The following BAIAP2L2 variants were observed in gnomAD, a reference collection of about 807,000 sequenced individuals.
The protein encoded by BAIAP2L2 is BAR/IMD domain containing adaptor protein 2 like 2.
BAIAP2L2 carries 65 observed loss-of-function variants against 60.4 expected under a neutral mutation model. The observed-to-expected ratio is 1.08, with a 90% CI of 0.88 to 1.32. BAIAP2L2 has a LOEUF of 1.32. Ranked by LOEUF, BAIAP2L2 falls within the 40% of genes most tolerant of loss-of-function variation. The pLI, the probability that BAIAP2L2 is intolerant of heterozygous loss-of-function variation, is 0.00. For missense variants in BAIAP2L2, 836 were observed against 741.2 expected, an observed-to-expected ratio of 1.13 and a Z score of -1.48; for synonymous variants, 344 against 301.7, an observed-to-expected ratio of 1.14 and a Z score of -1.45.
In BAIAP2L2 at chr22:38,097,022, T is replaced by G. The variant is rs770797028; in HGVS notation, c.612+10A>C. 3 of 1,607,296 alleles carry G rather than the reference T, an allele frequency of 1.9e-6. No homozygotes were observed. In the East Asian group the frequency reaches 6.7e-5, roughly 36 times the overall value. ...AAGCGCCCCGCTTGCTGCCCCCCAG[T>G]CCAACTCACCCGGCCGAAGAACTGC... On this transcript the variant is annotated intron_variant, in intron 7 of 13. Coordinates refer to ENST00000381669, the MANE Select transcript of BAIAP2L2 (RefSeq NM_025045.6).
rs1337749619 is a variant in BAIAP2L2 at position 38,088,907 on chromosome 22, G to C, written c.959C>G (p.Pro320Arg). 2.6e-6 allele frequency: 4 copies of C among 1,560,820 alleles called. No homozygotes were observed. In the East Asian group the frequency reaches 7.0e-5, roughly 27 times the overall value. Residue 320 changes from proline to arginine, a missense_variant, in exon 10 of 14, where the codon CCG (proline) becomes CGG (arginine). By Grantham distance (103) the Pro-to-Arg change is moderately radical. Transcript: ENST00000381669. ...TCTCCTGGCGCCCCCGCCGCCGCCC[G>C]GGCGCTCGCCAAAGGAGTTGGAGCG... ...SSRSNSFGER[P>R]GGGGGARRVR...
chr22:38,094,342 C>T (rs532877735), intron 7 of BAIAP2L2, among the ~76,000 whole-genome samples: 5 of 152,210 alleles, frequency 3.3e-5, no homozygotes, highest in South Asian at 4.2e-4. Context: ...TGTACAACCA[C>T]GCTTGGCTAA....
intron 7 of BAIAP2L2, among the ~76,000 whole-genome samples, 157 bp downstream of exon 7, chr22:38,096,874 AG>A (rs1258826777): frequency 6.6e-6 from 1 of 152,210 alleles, no homozygotes; most frequent in Non-Finnish European, 1.5e-5. Context: ...CCAGAAACAA[AG>A]GAAGAAATGG....
rs754145832 is a variant in BAIAP2L2, at chr22:38,110,478, G to A, written c.48C>T (p.Tyr16=). Residue 16 remains tyrosine (Y), a synonymous_variant, in exon 1 of 14, where the codon TAC becomes TAT. Coordinates refer to ENST00000381669, the MANE Select transcript of BAIAP2L2 (RefSeq NM_025045.6). ...DQFYRSTMAI[Y]KSIMEQFNPA... is the part of the protein sequence containing the mutation. Reference sequence around the variant, plus strand: ...GCTTGGCCACCCATGTGCTCACCTTGTAGATGGCCATGGTGGACCTGTAGA... The same window carrying A: ...GCTTGGCCACCCATGTGCTCACCTTATAGATGGCCATGGTGGACCTGTAGA... 20 of 1,612,066 alleles carry A rather than the reference G, an allele frequency of 1.2e-5. No individual in the cohort carries two copies. The highest frequency in any genetic ancestry group is 1.7e-5 in the Admixed American group (1 of 59,892).
intron 3 of BAIAP2L2, 122 bp downstream of exon 3, chr22:38,108,133 C>G (rs2086704988): frequency 9.4e-7 from 1 of 1,068,024 alleles, no homozygotes; most frequent in Non-Finnish European, 1.4e-6. Flanking sequence ...GGCCCCAGAA[C>G]AAGAGTCTGG....
At chr22:38,108,079 C>T (rs979674299) in intron 3 of BAIAP2L2, among the ~76,000 whole-genome samples, 166 bp from the exon 4 acceptor site, 8 of 152,194 alleles carry the variant, frequency 5.3e-5, no homozygotes, top group African/African-American at 1.7e-4. Context: ...CATGTGTGTC[C>T]CAGCCTGGGA....
At chr22:38,095,553 C>A (rs1432905440) in intron 7 of BAIAP2L2, among the ~76,000 whole-genome samples, 3 of 152,034 alleles carry the variant, frequency 2.0e-5, no homozygotes, top group African/African-American at 7.3e-5. Flanking sequence ...TTAGTAGAAA[C>A]GGGGTTTCGC....
intron 3 of BAIAP2L2, 60 bp downstream of exon 3, chr22:38,108,195 A>G (rs895183664): frequency 2.1e-5 from 32 of 1,488,628 alleles, no homozygotes; most frequent in Non-Finnish European, 2.9e-5. Flanking sequence ...ACATCCTGGA[A>G]GGGCAAGGGT....
At chr22:38,097,979 G>C in intron 6 of BAIAP2L2, 84 bp downstream of exon 6, 3 of 1,312,488 alleles carry the variant, frequency 2.3e-6, no homozygotes, top group Non-Finnish European at 3.2e-6. Context: ...TCAGGGAGGC[G>C]TTCGGGGTTC....
chr22:38,108,547 A>G (rs560871676), intron 2 of BAIAP2L2, among the ~76,000 whole-genome samples: 2 of 152,188 alleles, frequency 1.3e-5, no homozygotes, highest in Admixed American at 6.5e-5. Context: ...TGGCGTGGAA[A>G]GCATCTAAGA....
chr22:38,092,617 A>G (rs990324430), intron 7 of BAIAP2L2, among the ~76,000 whole-genome samples: 3 of 152,156 alleles, frequency 2.0e-5, no homozygotes, highest in Non-Finnish European at 4.4e-5. Flanking sequence ...AGAAGTAAAT[A>G]TATATGCTTA....
chr22:38,106,359 A>C lies in BAIAP2L2; in HGVS notation c.276+1493T>G, dbSNP rs547972265. 4.5e-3 allele frequency among the ~76,000 whole-genome samples: 688 copies of C among 152,076 alleles called. 7 individuals carry two copies. Among genetic ancestry groups the C allele is most frequent in the Non-Finnish European group, 5.3e-3 (361 of 67,966 alleles). On this transcript the variant is annotated intron_variant, in intron 4 of 13. Coordinates refer to ENST00000381669, the MANE Select transcript of BAIAP2L2 (RefSeq NM_025045.6). ...CATGGTGAAACCCCGTCTCTGCAAA[A>C]AAATAAAAAAATTAGCCAGGCATGA... is the stretch of plus-strand genomic sequence containing the variant.
Position 38,106,244 on chromosome 22 carries a change from C to T in BAIAP2L2, c.276+1608G>A, listed in dbSNP as rs145084161. On this transcript the variant is annotated intron_variant, in intron 4 of 13. Transcript: ENST00000381669. The stretch of plus-strand genomic sequence containing the variant: ...ATAGAAAGATTGTTCCCCCGCCAGG[C>T]GCGGTGGCTCACGGCTGTAATCCCA... Among the ~76,000 whole-genome samples, 577 of 152,230 alleles carry T rather than the reference C, an allele frequency of 3.8e-3. 1 individual carries two copies. The highest frequency in any genetic ancestry group is 0.013 in the African/African-American group (521 of 41,516).
chr22:38,085,771 AG>A, intron 12 of BAIAP2L2, 39 bp from the exon 13 acceptor site: 1 of 1,537,924 alleles, frequency 6.5e-7, no homozygotes, highest in Non-Finnish European at 8.8e-7. Context: ...TGGTGGGGAG[AG>A]GGGCAAGCAA....
chr22:38,105,081 A>G (rs1411037539), intron 4 of BAIAP2L2, among the ~76,000 whole-genome samples: 1 of 152,156 alleles, frequency 6.6e-6, no homozygotes, highest in African/African-American at 2.4e-5. Context: ...ACAATAACAA[A>G]CATTTTTTAA....
At position 38,088,846 on chromosome 22, in the gene BAIAP2L2, G is replaced by T. The variant is rs1221415842; in HGVS notation, c.1020C>A (p.Asn340Lys). 6 of 1,598,324 alleles carry T rather than the reference G, an allele frequency of 3.8e-6. No homozygotes were observed. Among genetic ancestry groups the T allele is most frequent in the Non-Finnish European group, 5.1e-6 (6 of 1,179,162 alleles). Reference sequence around the variant, plus strand: ...CAGCGGAGAAGCGCAGCAGCGTGTGGTTGGCGCCCTCCGAGTGGGAGACCA... The same window carrying T: ...CAGCGGAGAAGCGCAGCAGCGTGTGTTTGGCGCCCTCCGAGTGGGAGACCA... ...RALVSHSEGA[N>K]HTLLRFSAGD... Residue 340 changes from asparagine (N) to lysine (K), a missense_variant, in exon 10 of 14, where the codon AAC becomes AAA. Asn to Lys is a moderately conservative substitution (Grantham distance 94). Coordinates refer to ENST00000381669, the MANE Select transcript of BAIAP2L2 (RefSeq NM_025045.6).
chr22:38,086,742 T>C (rs1422289251), intron 11 of BAIAP2L2, among the ~76,000 whole-genome samples: 2 of 152,046 alleles, frequency 1.3e-5, no homozygotes, highest in Non-Finnish European at 2.9e-5. Context: ...ACGCCTGTAA[T>C]CCCAGCACTT....
intron 9 of BAIAP2L2, 63 bp from the exon 10 acceptor site, chr22:38,089,027 C>T: frequency 6.9e-7 from 1 of 1,448,704 alleles, no homozygotes; most frequent in Non-Finnish European, 9.1e-7. Context: ...TGCCCTCGAT[C>T]CCTCCTGCTG....
At chr22:38,089,283 G>GGGGGC in intron 8 of BAIAP2L2, 52 bp from the exon 9 acceptor site, 4 of 145,672 alleles carry the variant, frequency 2.7e-5, no homozygotes, top group East Asian at 1.7e-4. Context: ...GGGGGGCGGG[G>GGGGGC]CCGCGCCCTA....
Sources: gnomAD v4.1 joint callset for allele counts (sites outside exome capture counted in the v4.1 genomes callset) on GRCh38, gnomAD v4.1.1 for gene constraint, MANE v1.5 for transcripts, NCBI Gene and HGNC (gene_info 2026-07-23, HGNC 2026-07-21) for gene names.